GRIA1: variants seen among roughly 807,000 people sequenced by gnomAD.
The protein encoded by GRIA1 is glutamate receptor 1.
Under a neutral mutation model 99.2 loss-of-function variants are expected in GRIA1, and 31 were observed. The ratio of observed to expected loss-of-function variants is 0.31; its 90% CI spans 0.23 to 0.42. The LOEUF is 0.42. GRIA1 is among the 10% of genes least tolerant of loss of function. The probability of loss-of-function intolerance (pLI) is 1.00; values close to 1 mark genes in which losing one functional copy is unlikely to be tolerated. For missense variants in GRIA1, 782 were observed against 1,157.5 expected (o/e 0.68, Z 4.71); for synonymous variants, 438 against 432.4 (o/e 1.01, Z -0.16).
intron 2 of GRIA1, among the ~76,000 whole-genome samples, chr5:153,565,371 C>T (rs1040882942): frequency 6.6e-6 from 1 of 152,158 alleles, no homozygotes; most frequent in African/African-American, 2.4e-5. Flanking sequence ...ATCTGTGTTT[C>T]TAAGCAATTG....
chr5:153,776,555 C>T (rs568973435), intron 13 of GRIA1, among the ~76,000 whole-genome samples: 183 of 152,330 alleles, frequency 1.2e-3, no homozygotes, highest in African/African-American at 4.1e-3. Context: ...TACTTACTCC[C>T]TGCTGCATTG....
At chr5:153,759,190 T>A (rs1581608003) in intron 11 of GRIA1, among the ~76,000 whole-genome samples, 1 of 146,394 alleles carries the variant, frequency 6.8e-6, no homozygotes. Context: ...ACAAACTAAA[T>A]CTCAAATTTA....
intron 11 of GRIA1, among the ~76,000 whole-genome samples, chr5:153,722,088 T>C (rs1188268264): frequency 6.6e-6 from 1 of 152,230 alleles, no homozygotes; most frequent in East Asian, 1.9e-4. Context: ...TTCTTTCATA[T>C]TTGTTAGCCA....
chr5:153,629,825 A>G (rs1306327436), intron 2 of GRIA1, among the ~76,000 whole-genome samples: 1 of 152,198 alleles, frequency 6.6e-6, no homozygotes, highest in Admixed American at 6.5e-5. Context: ...AATTTTTATT[A>G]GTGGCTCATA....
rs116782934 is a variant in GRIA1 at position 153,805,080 on chromosome 5, G to A, written c.2520+2590G>A. On this transcript the variant is annotated intron_variant, in intron 15 of 15. Transcript: ENST00000285900. ...GATCCTCATTTTCTATAAAATGGAG[G>A]CAGTGGTAGTACATACCTCATAACA... Among the ~76,000 whole-genome samples, 384 of 152,262 alleles carry A rather than the reference G, an allele frequency of 2.5e-3. 1 individual carries two copies. Among genetic ancestry groups the A allele is most frequent in the African/African-American group, 8.3e-3 (347 of 41,572 alleles).
chr5:153,801,040 AC>A (rs900486425), intron 14 of GRIA1, among the ~76,000 whole-genome samples: 13 of 152,360 alleles, frequency 8.5e-5, no homozygotes, highest in African/African-American at 3.1e-4. Flanking sequence ...AACAATATAA[AC>A]AAAGGTGTTA....
At chr5:153,566,547 C>T (rs1196071005) in intron 2 of GRIA1, among the ~76,000 whole-genome samples, 1 of 151,234 alleles carries the variant, frequency 6.6e-6, no homozygotes, top group Non-Finnish European at 1.5e-5. Context: ...CTCAGGTGAT[C>T]TGCCTGCCTC....
chr5:153,702,525 A>G (rs1277364343), intron 10 of GRIA1, among the ~76,000 whole-genome samples: 1 of 152,212 alleles, frequency 6.6e-6, no homozygotes, highest in Non-Finnish European at 1.5e-5. Flanking sequence ...GCTTTTTTCT[A>G]CCACATGAAA....
chr5:153,811,150 C>T lies in GRIA1; in HGVS notation c.2646C>T (p.Asp882=), dbSNP rs775644521. The T allele has an allele frequency of 1.2e-6, 2 of 1,614,016 alleles. No individual in the cohort carries two copies. Among genetic ancestry groups the T allele is most frequent in the African/African-American group, 2.7e-5 (2 of 74,936 alleles). Residue 882 remains aspartate (D), a synonymous_variant, in exon 16 of 16, where the codon GAC becomes GAT. Transcript: ENST00000285900. ...SGENGRVVSH[D]FPKSMQSIPC... is the part of the protein sequence containing the mutation. ...AGAATGGTCGGGTGGTCAGCCATGA[C>T]TTCCCCAAGTCCATGCAATCGATTC...
chr5:153,625,359 C>A (rs1201002552), intron 2 of GRIA1, among the ~76,000 whole-genome samples: 2 of 152,182 alleles, frequency 1.3e-5, no homozygotes, highest in African/African-American at 2.4e-5. Flanking sequence ...ATAGGTTGGT[C>A]TCTAAGGAGC....
chr5:153,513,120 TG>T lies in GRIA1; in HGVS notation c.220+19057del, dbSNP rs1756264796. Among the ~76,000 whole-genome samples, 3 of 152,322 alleles carry T rather than the reference TG, an allele frequency of 2.0e-5. No homozygotes were observed. The East Asian group carries it at 5.8e-4, about 29-fold the overall frequency. On this transcript the variant is annotated intron_variant, in intron 2 of 15. Transcript: ENST00000285900. ...GTTTAAGTCACCATTCCATAGTATT[TG>T]GTTATGGCATCCTGAGCTGACTAAC...
intron 2 of GRIA1, chr5:153,525,543 C>G (rs1757517946): frequency 6.6e-6 from 1 of 151,924 alleles, no homozygotes; most frequent in South Asian, 2.1e-4. Flanking sequence ...ACCACCTAGT[C>G]TAGTTCTTTT....
rs140810448 is a variant in GRIA1, at chr5:153,529,945, G to A, written c.220+35880G>A. 3.3e-4 allele frequency among the ~76,000 whole-genome samples: 50 copies of A among 152,180 alleles called. 1 individual carries two copies. The East Asian group carries it at 8.5e-3, about 26-fold the overall frequency. On this transcript the variant is annotated intron_variant, in intron 2 of 15. Transcript: ENST00000285900. ...CTTATTACCCTGTTCCCTCATTTTC[G>A]AAGCAGATTCTAACCTCTGATCTGC...
At chr5:153,760,796 A>G (rs941875605) in intron 11 of GRIA1, among the ~76,000 whole-genome samples, 1 of 152,188 alleles carries the variant, frequency 6.6e-6, no homozygotes, top group Non-Finnish European at 1.5e-5. Context: ...TATAGTAACC[A>G]AAACAGGATG....
At chr5:153,687,645 G>C (rs1757432931) in intron 8 of GRIA1, among the ~76,000 whole-genome samples, 1 of 152,172 alleles carries the variant, frequency 6.6e-6, no homozygotes, top group Admixed American at 6.5e-5. Context: ...GCCACATGTG[G>C]CTAGTGGCTA....
chr5:153,667,167 T>C (rs1176642443), intron 5 of GRIA1, among the ~76,000 whole-genome samples: 1 of 152,184 alleles, frequency 6.6e-6, no homozygotes, highest in Non-Finnish European at 1.5e-5. Flanking sequence ...TCAACTTACC[T>C]CCTGTGGATC....
intron 2 of GRIA1, among the ~76,000 whole-genome samples, chr5:153,607,042 G>GATATATATATATATATATATATAT (rs59233877): frequency 1.5e-4 from 19 of 127,768 alleles, no homozygotes; most frequent in African/African-American, 4.3e-4. Context: ...TATCACAAAA[G>GATATATATATATATATATATATAT]ATATATATAT....
At chr5:153,783,257 C>T (rs1263655019) in intron 13 of GRIA1, among the ~76,000 whole-genome samples, 1 of 152,168 alleles carries the variant, frequency 6.6e-6, no homozygotes, top group Non-Finnish European at 1.5e-5. Context: ...TGAGCTGGCT[C>T]TTGTACTGAA....
At chr5:153,794,815 C>T (rs1276306006) in intron 14 of GRIA1, 80 bp downstream of exon 14, 3 of 796,924 alleles carry the variant, frequency 3.8e-6, no homozygotes, top group African/African-American at 1.7e-5. Flanking sequence ...CTCCCAATAC[C>T]TATCCTGCTT....
Sources: gnomAD v4.1 joint callset for allele counts (sites outside exome capture counted in the v4.1 genomes callset) on GRCh38, gnomAD v4.1.1 for gene constraint, MANE v1.5 for transcripts, NCBI Gene and HGNC (gene_info 2026-07-23, HGNC 2026-07-21) for gene names.